The following PUS7L variants were observed in gnomAD, a reference collection of about 807,000 sequenced individuals.
PUS7L encodes the protein pseudouridine synthase 7 like.
In PUS7L, 49 loss-of-function variants were observed where a neutral mutation model predicts 51.1. The observed-to-expected ratio is 0.96, with a 90% CI of 0.76 to 1.22. The LOEUF (loss-of-function observed/expected upper bound fraction) is 1.22. Ranked by LOEUF, PUS7L falls within the 50% of genes most tolerant of loss-of-function variation. The pLI, the probability that PUS7L is intolerant of heterozygous loss-of-function variation, is 0.00. For missense variants in PUS7L, 828 were observed against 820.6 expected, an observed-to-expected ratio of 1.01 and a Z score of -0.11; for synonymous variants, 277 against 276.2, an observed-to-expected ratio of 1.00 and a Z score of -0.03.
At chr12:43,748,068 C>T (rs1042197598) in intron 3 of PUS7L, among the ~76,000 whole-genome samples, 9 of 152,204 alleles carry the variant, frequency 5.9e-5, no homozygotes, top group Admixed American at 2.6e-4. Context: ...TGATTATAGG[C>T]GTAAGCCACC....
intron 2 of PUS7L, among the ~76,000 whole-genome samples, chr12:43,749,304 G>A (rs1938328831): frequency 6.6e-6 from 1 of 152,124 alleles, no homozygotes; most frequent in Non-Finnish European, 1.5e-5. Flanking sequence ...TCTAAAACAT[G>A]TGTTCCCCTT....
chr12:43,752,559 G>C (rs1461430297), intron 2 of PUS7L, among the ~76,000 whole-genome samples: 2 of 152,104 alleles, frequency 1.3e-5, no homozygotes, highest in Non-Finnish European at 2.9e-5. Context: ...GCCTTAAAAG[G>C]GAAGGAAATT....
Position 43,722,638 on chromosome 12 carries a change from C to A in PUS7L, c.*7738G>T, listed in dbSNP as rs1944410892. The stretch of plus-strand genomic sequence containing the variant: ...AAAAATTCATTTTATTATAACCTAT[C>A]ATTCATTTTATTATAATGGAATTAT... On this transcript the variant is annotated 3_prime_UTR_variant, in exon 9 of 9. Coordinates refer to ENST00000344862, the MANE Select transcript of PUS7L (RefSeq NM_031292.5). 1 of 152,052 alleles carries A rather than the reference C, an allele frequency of 6.6e-6. No individual in the cohort carries two copies. Among genetic ancestry groups the A allele is most frequent in the Admixed American group, 6.6e-5 (1 of 15,262 alleles). The allele number at this position is 152,052 out of a possible 1,614,324, so 9.4% of individuals were successfully genotyped here.
intron 7 of PUS7L, among the ~76,000 whole-genome samples, chr12:43,733,373 C>T (rs1041621783): frequency 6.6e-6 from 1 of 151,930 alleles, no homozygotes; most frequent in Non-Finnish European, 1.5e-5. Flanking sequence ...GCCTCTAAGT[C>T]CTGCCTTTTC....
At position 43,724,295 on chromosome 12, in the gene PUS7L, CAAAA is replaced by C. The variant is rs999917376; in HGVS notation, c.*6077_*6080del. On this transcript the variant is annotated 3_prime_UTR_variant, in exon 9 of 9. Coordinates refer to ENST00000344862, the MANE Select transcript of PUS7L (RefSeq NM_031292.5). ...TTAGAAATAGTTGTTTCTACTACTA[CAAAA>C]AAAAAAACCTCTAAAAATATGAATT... 1 of 140,546 alleles carries C rather than the reference CAAAA, an allele frequency of 7.1e-6. No homozygotes were observed. The highest frequency in any genetic ancestry group is 2.6e-5 in the African/African-American group (1 of 38,544). The allele number at this position is 140,546 out of a possible 1,614,324, so 8.7% of individuals were successfully genotyped here.
At chr12:43,752,040 G>A (rs1463647313) in intron 2 of PUS7L, among the ~76,000 whole-genome samples, 1 of 152,190 alleles carries the variant, frequency 6.6e-6, no homozygotes, top group Non-Finnish European at 1.5e-5. Context: ...CCCACTTTTT[G>A]ATGGGGTTGT....
chr12:43,736,166 T>C (rs1327207864), intron 7 of PUS7L, among the ~76,000 whole-genome samples: 1 of 152,192 alleles, frequency 6.6e-6, no homozygotes, highest in Non-Finnish European at 1.5e-5. Flanking sequence ...CCTATATATC[T>C]TTCACTCCAT....
intron 1 of PUS7L, among the ~76,000 whole-genome samples, chr12:43,756,784 C>T (rs1310393773): frequency 6.6e-6 from 1 of 152,166 alleles, no homozygotes; most frequent in Non-Finnish European, 1.5e-5. Context: ...TTAATACTTC[C>T]ATTCCAAAAA....
Position 43,746,063 on chromosome 12 carries a change from C to T in PUS7L, c.1246G>A (p.Ala416Thr), listed in dbSNP as rs772921440. 6.7e-7 allele frequency: 1 copy of T among 1,495,204 alleles called. No individual in the cohort carries two copies. Among genetic ancestry groups the T allele is most frequent in the Non-Finnish European group, 9.2e-7 (1 of 1,086,470 alleles). The allele number at this position is 1,495,204 out of a possible 1,614,324, so 92.6% of individuals were successfully genotyped here. Residue 416 changes from alanine (A) to threonine (T), a missense_variant, in exon 4 of 9, where the codon GCA becomes ACA. Ala to Thr is a moderately conservative substitution (Grantham distance 58). Coordinates refer to ENST00000344862, the MANE Select transcript of PUS7L (RefSeq NM_031292.5). ...TTTCTTACCTTAACATTTTCTATTG[C>T]TTCCATAATTCTCTCCCTCAGGTTT... ...SANLRERIME[A>T]IENVKKKGFV...
intron 2 of PUS7L, 71 bp from the exon 3 acceptor site, chr12:43,748,680 G>A: frequency 8.5e-7 from 1 of 1,174,964 alleles, no homozygotes; most frequent in East Asian, 2.4e-5. Flanking sequence ...TTAGCTAACA[G>A]ATTAGTATAA....
intron 1 of PUS7L, among the ~76,000 whole-genome samples, chr12:43,756,368 A>C (rs1273353898): frequency 6.6e-6 from 1 of 151,920 alleles, no homozygotes; most frequent in Non-Finnish European, 1.5e-5. Flanking sequence ...CCACCCATCT[A>C]CCTTAGGACC....
At chr12:43,739,612 T>G (rs1378843155) in intron 5 of PUS7L, 1 of 152,254 alleles carries the variant, frequency 6.6e-6, no homozygotes, top group African/African-American at 2.4e-5. Flanking sequence ...TTTTGTATTT[T>G]TAGTAGAGAC....
intron 1 of PUS7L, among the ~76,000 whole-genome samples, chr12:43,756,805 T>C (rs764491569): frequency 2.0e-5 from 3 of 152,184 alleles, no homozygotes; most frequent in Non-Finnish European, 4.4e-5. Context: ...CTTTTAGATA[T>C]TGTGAAGGTC....
Position 43,726,699 on chromosome 12 carries a change from C to T in PUS7L, c.*3677G>A. 6.6e-6 allele frequency: 1 copy of T among 151,910 alleles called. No individual in the cohort carries two copies. Among genetic ancestry groups the T allele is most frequent in the Non-Finnish European group, 1.5e-5 (1 of 67,978 alleles). 9.4% of individuals were successfully genotyped at this position (151,910 alleles called of 1,614,324 possible). A position where few individuals can be genotyped will look rare whatever the true frequency, so the allele number is the denominator to read the frequency against. Reference sequence around the variant, plus strand: ...AAAAATTAGCCAGGTGTGGTGGTGGCCACTTGTAATCCCAGCTACTTGAGA... The same window carrying T: ...AAAAATTAGCCAGGTGTGGTGGTGGTCACTTGTAATCCCAGCTACTTGAGA... On this transcript the variant is annotated 3_prime_UTR_variant, in exon 9 of 9. Transcript: ENST00000344862.
rs977007067 is a variant in PUS7L at position 43,720,166 on chromosome 12, T to C, written c.*10210A>G. On this transcript the variant is annotated 3_prime_UTR_variant, in exon 9 of 9. Transcript: ENST00000344862. ...TTAATATCATTGACTTAAAAATATTTTCTAATTTCATTTTGTCTTACTTGA... is the reference window on the plus strand; with the variant it reads ...TTAATATCATTGACTTAAAAATATTCTCTAATTTCATTTTGTCTTACTTGA... 10 of 152,244 alleles carry C rather than the reference T, an allele frequency of 6.6e-5. No homozygotes were observed. The highest frequency in any genetic ancestry group is 2.4e-4 in the African/African-American group (10 of 41,462). The allele number at this position is 152,244 out of a possible 1,614,324, so 9.4% of individuals were successfully genotyped here.
intron 5 of PUS7L, among the ~76,000 whole-genome samples, chr12:43,740,603 A>G (rs1172927382): frequency 6.6e-6 from 1 of 152,110 alleles, no homozygotes; most frequent in Non-Finnish European, 1.5e-5. Context: ...GGCAAAGGAA[A>G]GAAGATATAG....
chr12:43,754,431 G>A lies in PUS7L; in HGVS notation c.815C>T (p.Pro272Leu), dbSNP rs745790601. 3.3e-5 allele frequency: 53 copies of A among 1,613,428 alleles called. No individual in the cohort carries two copies. The highest frequency in any genetic ancestry group is 2.3e-4 in the Admixed American group (14 of 59,946). Residue 272 changes from proline (P) to leucine (L), a missense_variant, in exon 2 of 9, where the codon CCG (proline) becomes CTG (leucine). Coordinates refer to ENST00000344862, the MANE Select transcript of PUS7L (RefSeq NM_031292.5). ...FSKMNCSAGN[P>L]NVVVTVRFRE... is the part of the protein sequence containing the mutation. ...AAATCTTACTGTTACCACCACATTC[G>A]GATTACCAGCACTGCAATTCATTTT...
chr12:43,750,118 C>T (rs1355464813), intron 2 of PUS7L, among the ~76,000 whole-genome samples: 2 of 152,212 alleles, frequency 1.3e-5, no homozygotes, highest in Non-Finnish European at 2.9e-5. Context: ...GAAGGTCCAA[C>T]AGCAGCAGCC....
rs1046660197 is a variant in PUS7L at position 43,727,789 on chromosome 12, A to T, written c.*2587T>A. On this transcript the variant is annotated 3_prime_UTR_variant, in exon 9 of 9. Coordinates refer to ENST00000344862, the MANE Select transcript of PUS7L (RefSeq NM_031292.5). ...TGTATGCAGAACTCCCACAAAATGC[A>T]ATTTACCCATGTAACAAACCTGCAC... The T allele has an allele frequency of 6.6e-6, 1 of 152,178 alleles. No homozygotes were observed. The allele number at this position is 152,178 out of a possible 1,614,324, so 9.4% of individuals were successfully genotyped here.
Sources: allele counts gnomAD v4.1 joint callset (sites outside exome capture counted in the v4.1 genomes callset), GRCh38; gene constraint gnomAD v4.1.1; transcripts MANE v1.5; gene names NCBI Gene and HGNC (gene_info 2026-07-23, HGNC 2026-07-21).